The following HOOK3 variants were observed in gnomAD, a reference collection of about 807,000 sequenced individuals.
HOOK3 encodes the protein protein Hook homolog 3.
HOOK3 carries 24 observed loss-of-function variants against 116.3 expected under a neutral mutation model. The ratio of observed to expected loss-of-function variants is 0.21; its 90% CI spans 0.15 to 0.29. The LOEUF (loss-of-function observed/expected upper bound fraction) is 0.29. HOOK3 is among the 10% of genes least tolerant of loss of function. The probability of loss-of-function intolerance (pLI) is 1.00; values close to 1 mark genes in which losing one functional copy is unlikely to be tolerated. For missense variants in HOOK3, 632 were observed against 830.2 expected, an observed-to-expected ratio of 0.76 and a Z score of 2.93; for synonymous variants, 275 against 283.0, an observed-to-expected ratio of 0.97 and a Z score of 0.28.
At chr8:42,966,449 T>G in intron 9 of HOOK3, 24 bp from the exon 10 acceptor site, 1 of 1,610,870 alleles carries the variant, frequency 6.2e-7, no homozygotes, top group Non-Finnish European at 8.5e-7. Flanking sequence ...AGTGCTTTCT[T>G]GGTCTATTTT....
At chr8:42,990,177 GGA>G (rs1809130820) in intron 15 of HOOK3, among the ~76,000 whole-genome samples, 2 of 151,610 alleles carry the variant, frequency 1.3e-5, no homozygotes, top group African/African-American at 4.8e-5. Context: ...TTAATTTTCT[GGA>G]GAGACAGGGT....
chr8:42,974,053 T>C (rs1808773481), intron 12 of HOOK3, 54 bp from the exon 13 acceptor site: 1 of 1,265,504 alleles, frequency 7.9e-7, no homozygotes, highest in Non-Finnish European at 1.2e-6. Flanking sequence ...AGGCCACTGA[T>C]GAATAAATTC....
At chr8:42,930,241 A>G in intron 4 of HOOK3, 69 bp downstream of exon 4, 2 of 1,316,706 alleles carry the variant, frequency 1.5e-6, no homozygotes, top group Non-Finnish European at 2.0e-6. Flanking sequence ...AATAGTTTCA[A>G]GTTAAGGAAA....
chr8:42,956,790 G>C (rs1808444782), intron 6 of HOOK3, among the ~76,000 whole-genome samples: 1 of 152,016 alleles, frequency 6.6e-6, no homozygotes, highest in East Asian at 1.9e-4. Flanking sequence ...CTCCATGTTG[G>C]TCAGGCTGGT....
At chr8:42,940,809 G>A (rs1051790315) in intron 4 of HOOK3, among the ~76,000 whole-genome samples, 2 of 152,124 alleles carry the variant, frequency 1.3e-5, no homozygotes, top group Non-Finnish European at 2.9e-5. Flanking sequence ...TTGCTAGGTT[G>A]GGGAAGTTTT....
chr8:42,946,392 A>G (rs900007835), intron 5 of HOOK3, among the ~76,000 whole-genome samples: 2 of 152,196 alleles, frequency 1.3e-5, no homozygotes, highest in Admixed American at 1.3e-4. Flanking sequence ...TGAGGAATTA[A>G]AAAACCCACC....
At chr8:42,917,711 C>T (rs776422456) in intron 2 of HOOK3, among the ~76,000 whole-genome samples, 8 of 151,994 alleles carry the variant, frequency 5.3e-5, no homozygotes, top group Admixed American at 2.6e-4. Context: ...TTTCAAAGTT[C>T]GAGAAGGGGA....
In HOOK3 at chr8:43,021,526, C is replaced by T. The variant is rs974158352; in HGVS notation, c.*3028C>T. ...CCATGTTGGCCAGGCTGGTCTCAAA[C>T]TCCTGACCTCGTGATCTACCCACCT... On this transcript the variant is annotated 3_prime_UTR_variant, in exon 22 of 22. Transcript: ENST00000307602. 5.7e-6 allele frequency: 1 copy of T among 174,516 alleles called. No individual in the cohort carries two copies. Among genetic ancestry groups the T allele is most frequent in the Non-Finnish European group, 1.2e-5 (1 of 80,952 alleles). The allele number at this position is 174,516 out of a possible 1,614,324, so 10.8% of individuals were successfully genotyped here.
chr8:42,978,183 T>A (rs962292505), intron 13 of HOOK3, among the ~76,000 whole-genome samples: 1 of 152,210 alleles, frequency 6.6e-6, no homozygotes, highest in Non-Finnish European at 1.5e-5. Flanking sequence ...TAGAAAAAGT[T>A]GTGTTTTTTC....
intron 17 of HOOK3, among the ~76,000 whole-genome samples, chr8:43,006,172 C>G (rs1782334232): frequency 6.7e-6 from 1 of 150,116 alleles, no homozygotes; most frequent in South Asian, 2.1e-4. Flanking sequence ...AGGCGCCCAC[C>G]ACCACGCCCA....
At position 43,025,808 on chromosome 8, in the gene HOOK3, C is replaced by CCTT. The variant is rs1809922177; in HGVS notation, c.*7314_*7316dup. 4.7e-6 allele frequency: 1 copy of CCTT among 210,738 alleles called. No homozygotes were observed. Among genetic ancestry groups the CCTT allele is most frequent in the African/African-American group, 2.3e-5 (1 of 43,990 alleles). 13.1% of individuals were successfully genotyped at this position (210,738 alleles called of 1,614,324 possible). A position where few individuals can be genotyped will look rare whatever the true frequency, so the allele number is the denominator to read the frequency against. On this transcript the variant is annotated 3_prime_UTR_variant, in exon 22 of 22. Transcript: ENST00000307602. ...GCAAGCCATAGGCTCAATTTTATGT[C>CCTT]CTTCTTACTTACACACAGTAGCCCC...
rs527335334 is a variant in HOOK3, at chr8:42,940,352, C to G, written c.268-2961C>G. ...CGAAAACCAGTCAGGCGTGGCGGCG[C>G]GCGCCCGCAATCGCAGGCACTCGGC... On this transcript the variant is annotated intron_variant, in intron 4 of 21. Coordinates refer to ENST00000307602, the MANE Select transcript of HOOK3 (RefSeq NM_032410.4). Among the ~76,000 whole-genome samples, 6 of 152,344 alleles carry G rather than the reference C, an allele frequency of 3.9e-5. No homozygotes were observed. The East Asian group carries it at 1.2e-3, about 29-fold the overall frequency.
intron 19 of HOOK3, among the ~76,000 whole-genome samples, chr8:43,010,831 C>A (rs1463533839): frequency 1.3e-5 from 2 of 152,122 alleles, no homozygotes; most frequent in Non-Finnish European, 2.9e-5. Flanking sequence ...AGGAAACCAT[C>A]AGGTAAATTC....
In HOOK3 at chr8:43,030,288, G is replaced by C. The variant is rs953830301; in HGVS notation, c.*11790G>C. ...GAAACCACCAGAAGATGGATTTTTA[G>C]TGTTTTTGAAATCTTGTATTTCCTT... On this transcript the variant is annotated 3_prime_UTR_variant, in exon 22 of 22. Transcript: ENST00000307602. 49 of 189,514 alleles carry C rather than the reference G, an allele frequency of 2.6e-4. No homozygotes were observed. The East Asian group carries it at 4.2e-3, about 16-fold the overall frequency. 11.7% of individuals were successfully genotyped at this position (189,514 alleles called of 1,614,324 possible).
At chr8:42,917,367 C>T (rs879269259) in intron 2 of HOOK3, among the ~76,000 whole-genome samples, 2 of 152,172 alleles carry the variant, frequency 1.3e-5, no homozygotes, top group Non-Finnish European at 2.9e-5. Context: ...TGTGATTGAG[C>T]TCAGTCTCCG....
chr8:42,897,632 T>C (rs1295726558), intron 1 of HOOK3, among the ~76,000 whole-genome samples: 2 of 152,152 alleles, frequency 1.3e-5, no homozygotes, highest in Non-Finnish European at 2.9e-5. Flanking sequence ...CCGTTTCGGA[T>C]GCAAGGCACC....
At chr8:42,943,082 T>G (rs72644065) in intron 4 of HOOK3, among the ~76,000 whole-genome samples, 10 of 151,776 alleles carry the variant, frequency 6.6e-5, no homozygotes, top group Non-Finnish European at 1.3e-4. Flanking sequence ...GTTTGTTTTG[T>G]TTTTTTTGCT....
intron 1 of HOOK3, among the ~76,000 whole-genome samples, chr8:42,900,546 A>G (rs7839197): frequency 1.5e-3 from 224 of 152,282 alleles, no homozygotes; most frequent in African/African-American, 5.2e-3. Flanking sequence ...TATAATTATT[A>G]TGGTGGTATC....
chr8:42,991,559 C>T (rs576218344), intron 15 of HOOK3, among the ~76,000 whole-genome samples: 26 of 152,168 alleles, frequency 1.7e-4, no homozygotes, highest in African/African-American at 5.1e-4. Context: ...TGAGCCACCA[C>T]GCCCAGTTAA....
Sources: allele counts gnomAD v4.1 joint callset (sites outside exome capture counted in the v4.1 genomes callset), GRCh38; gene constraint gnomAD v4.1.1; transcripts MANE v1.5; gene names NCBI Gene and HGNC (gene_info 2026-07-23, HGNC 2026-07-21).